Variants in TM9SF4 observed in about 807,000 individuals in gnomAD.
TM9SF4 encodes transmembrane 9 superfamily member 4, also known as dinucleotide oxidase disulfide thiol exchanger 3 superfamily member 4.
A neutral mutation model predicts 90.4 loss-of-function variants in TM9SF4; 26 were observed. That is an observed-to-expected ratio of 0.29 (90% CI 0.21 to 0.40). The LOEUF is 0.40. Ranked by LOEUF, TM9SF4 falls within the 10% of genes least tolerant of loss-of-function variation. The pLI is 1.00. For missense variants in TM9SF4, 549 were observed against 834.8 expected (o/e 0.66, Z 4.22); for synonymous variants, 293 against 315.4 (o/e 0.93, Z 0.75).
chr20:32,153,418 G>A (rs1600332255), intron 12 of TM9SF4, among the ~76,000 whole-genome samples: 1 of 152,202 alleles, frequency 6.6e-6, no homozygotes, highest in Non-Finnish European at 1.5e-5. Flanking sequence ...GGATGCTCAG[G>A]CTGCCACAGC....
At chr20:32,163,014 G>T (rs1250474785) in intron 17 of TM9SF4, among the ~76,000 whole-genome samples, 1 of 152,008 alleles carries the variant, frequency 6.6e-6, no homozygotes, top group Non-Finnish European at 1.5e-5. Context: ...TCGGGAGGCC[G>T]AGGAGGGTGG....
Position 32,145,133 on chromosome 20 carries a change from G to A in TM9SF4, c.695G>A (p.Gly232Asp). 1.2e-6 allele frequency: 2 copies of A among 1,614,130 alleles called. No individual in the cohort carries two copies. Among genetic ancestry groups the A allele is most frequent in the Non-Finnish European group, 1.7e-6 (2 of 1,180,044 alleles). The change falls in exon 7 of 18, where the codon GGT becomes GAT. Residue 232 changes from glycine (G) to aspartate (D), a missense_variant. Physicochemically the swap from Gly to Asp is moderately conservative, Grantham distance 94. This residue lies in a region of TM9SF4 where 495 missense variants were observed against 711.7 expected (regional missense o/e 0.70). Transcript: ENST00000398022. ...DEKSSCTLPE[G>D]TNSSPQEIDP... Reference sequence around the variant, plus strand: ...AAGAGTTCGTGCACTCTGCCTGAGGGTACCAACTCCTCGCCCCAAGAAATT... The same window carrying A: ...AAGAGTTCGTGCACTCTGCCTGAGGATACCAACTCCTCGCCCCAAGAAATT...
At position 32,109,715 on chromosome 20, in the gene TM9SF4, T is replaced by A. The variant is rs762885617; in HGVS notation, c.-26T>A. 5.2e-6 allele frequency: 8 copies of A among 1,551,608 alleles called. No individual in the cohort carries two copies. Among genetic ancestry groups the A allele is most frequent in the South Asian group, 3.6e-5 (3 of 84,062 alleles). ...CCAGGGAGCACCACTTCCGCTGACG[T>A]CATTACGGCGACACGTGGATCCAAG... On this transcript the variant is annotated 5_prime_UTR_variant, in exon 1 of 18. Coordinates refer to ENST00000398022, the MANE Select transcript of TM9SF4 (RefSeq NM_014742.4).
intron 6 of TM9SF4, among the ~76,000 whole-genome samples, chr20:32,144,814 G>A (rs1015521225): frequency 1.3e-5 from 2 of 152,210 alleles, no homozygotes; most frequent in African/African-American, 4.8e-5. Flanking sequence ...TCCGGAAGCT[G>A]AAGCAGAAGG....
intron 2 of TM9SF4, among the ~76,000 whole-genome samples, chr20:32,135,477 A>G (rs1488056692): frequency 6.6e-6 from 1 of 152,246 alleles, no homozygotes; most frequent in Non-Finnish European, 1.5e-5. Flanking sequence ...AAACAGGGAA[A>G]CTAATTAACA....
At chr20:32,123,738 T>G (rs751590104) in intron 1 of TM9SF4, among the ~76,000 whole-genome samples, 162 of 150,404 alleles carry the variant, frequency 1.1e-3, no homozygotes, top group Non-Finnish European at 1.7e-3. Context: ...AGCATATCCA[T>G]ATTTTCTTCT....
chr20:32,150,548 T>C, intron 10 of TM9SF4, 74 bp from the exon 11 acceptor site: 1 of 1,587,040 alleles, frequency 6.3e-7, no homozygotes, highest in South Asian at 1.1e-5. Flanking sequence ...GGCCTGGGGC[T>C]GGGGCTGGGG....
At chr20:32,142,553 G>T (rs2046697098) in intron 5 of TM9SF4, among the ~76,000 whole-genome samples, 1 of 152,182 alleles carries the variant, frequency 6.6e-6, no homozygotes, top group Admixed American at 6.5e-5. Context: ...GCCATTAATT[G>T]CAGGCGAGGT....
chr20:32,165,624 T>C lies in TM9SF4; in HGVS notation c.*180T>C. On this transcript the variant is annotated 3_prime_UTR_variant, in exon 18 of 18. Coordinates refer to ENST00000398022, the MANE Select transcript of TM9SF4 (RefSeq NM_014742.4). ...AGGGCCTGTAGATAATCTTGCGTTTTTCGTCATCTTATTCCAGTTCTGTGG... is the reference window on the plus strand; with the variant it reads ...AGGGCCTGTAGATAATCTTGCGTTTCTCGTCATCTTATTCCAGTTCTGTGG... The C allele has an allele frequency of 1.5e-6, 1 of 681,138 alleles. No individual in the cohort carries two copies. Among genetic ancestry groups the C allele is most frequent in the Non-Finnish European group, 2.4e-6 (1 of 414,732 alleles). The allele number at this position is 681,138 out of a possible 1,614,324, so 42.2% of individuals were successfully genotyped here.
chr20:32,155,199 C>T lies in TM9SF4; in HGVS notation c.1329+13C>T. 3.1e-6 allele frequency: 5 copies of T among 1,609,684 alleles called. No individual in the cohort carries two copies. In the South Asian group the frequency reaches 4.4e-5, roughly 14 times the overall value. On this transcript the variant is annotated intron_variant, in intron 13 of 17. Transcript: ENST00000398022. ...CTCATCAGGAGCGGTAAGTGCCTCC[C>T]CTACCCTTCCAGCCCCTCCCCAGCA...
At chr20:32,114,415 C>T (rs931272890) in intron 1 of TM9SF4, among the ~76,000 whole-genome samples, 1 of 152,188 alleles carries the variant, frequency 6.6e-6, no homozygotes, top group Non-Finnish European at 1.5e-5. Flanking sequence ...ACTGCAGCCT[C>T]CACCTCCCGG....
At chr20:32,153,410 A>G (rs2046871273) in intron 12 of TM9SF4, among the ~76,000 whole-genome samples, 1 of 152,208 alleles carries the variant, frequency 6.6e-6, no homozygotes, top group African/African-American at 2.4e-5. Context: ...ACCCACCTGG[A>G]TGCTCAGGCT....
At chr20:32,141,955 T>G in intron 5 of TM9SF4, 60 bp downstream of exon 5, 1 of 1,602,116 alleles carries the variant, frequency 6.2e-7, no homozygotes, top group South Asian at 1.1e-5. Context: ...TCCTGAGCAC[T>G]TGGGGCCACA....
Position 32,138,572 on chromosome 20 carries a change from G to A in TM9SF4, c.229+2399G>A, listed in dbSNP as rs543652685. Among the ~76,000 whole-genome samples the A allele has an allele frequency of 2.4e-3, 361 of 152,354 alleles. 4 individuals carry two copies. The highest frequency in any genetic ancestry group is 2.2e-3 in the Non-Finnish European group (151 of 68,032). On this transcript the variant is annotated intron_variant, in intron 3 of 17. Coordinates refer to ENST00000398022, the MANE Select transcript of TM9SF4 (RefSeq NM_014742.4). ...CTTGGGAGGCTAAGGCAGGAGGATC[G>A]CTTCAACCCAGGAGGCAGAGGTTGC...
At chr20:32,110,518 T>C (rs751655806) in intron 1 of TM9SF4, among the ~76,000 whole-genome samples, 20 of 152,198 alleles carry the variant, frequency 1.3e-4, no homozygotes, top group Non-Finnish European at 2.4e-4. Flanking sequence ...TCTAATTCCA[T>C]AGGGCTAGGT....
At chr20:32,158,006 G>C (rs1299804012) in intron 14 of TM9SF4, 37 bp downstream of exon 14, 1 of 1,611,510 alleles carries the variant, frequency 6.2e-7, no homozygotes. Flanking sequence ...AGGGGAACGT[G>C]GAAGAGGGTA....
intron 9 of TM9SF4, among the ~76,000 whole-genome samples, chr20:32,147,094 C>G (rs1178000231): frequency 6.6e-6 from 1 of 151,848 alleles, no homozygotes; most frequent in Non-Finnish European, 1.5e-5. Flanking sequence ...AATTCCCCAC[C>G]TCAACCTCCC....
chr20:32,127,503 A>G (rs1449147751), intron 1 of TM9SF4, among the ~76,000 whole-genome samples: 1 of 152,186 alleles, frequency 6.6e-6, no homozygotes, highest in Non-Finnish European at 1.5e-5. Flanking sequence ...AGCAGGGCGC[A>G]GGGACTTGGT....
At chr20:32,139,813 C>G (rs757290013) in intron 3 of TM9SF4, among the ~76,000 whole-genome samples, 1 of 152,204 alleles carries the variant, frequency 6.6e-6, no homozygotes, top group Non-Finnish European at 1.5e-5. Flanking sequence ...AGGTTCAGTG[C>G]CTCCCCCACC....
Sources: gnomAD v4.1 joint callset for allele counts (sites outside exome capture counted in the v4.1 genomes callset) on GRCh38, gnomAD v4.1.1 for gene constraint, gnomAD v4.1.1 regional missense constraint, MANE v1.5 for transcripts, NCBI Gene and HGNC (gene_info 2026-07-23, HGNC 2026-07-21) for gene names.